The following CYP4F3 variants were observed in gnomAD, a reference collection of about 807,000 sequenced individuals.
CYP4F3 encodes the protein cytochrome P450 4F3.
In CYP4F3, 50 loss-of-function variants were observed where a neutral mutation model predicts 54.8. That is an observed-to-expected ratio of 0.91 (90% confidence interval 0.73 to 1.16). The LOEUF is 1.16. Ranked by LOEUF, CYP4F3 falls within the 50% of genes most tolerant of loss-of-function variation. The pLI is 0.00. For synonymous variants in CYP4F3, 244 were observed against 262.6 expected (o/e 0.93, Z 0.69); for missense variants, 715 against 676.2 (o/e 1.06, Z -0.64).
chr19:15,658,455 G>T, intron 10 of CYP4F3, 36 bp from the exon 11 acceptor site: 1 of 1,613,896 alleles, frequency 6.2e-7, no homozygotes, highest in Non-Finnish European at 8.5e-7. Flanking sequence ...CCTCAGGCAG[G>T]GAGCATTGTC....
At chr19:15,656,937 A>T (rs1051280956) in intron 9 of CYP4F3, among the ~76,000 whole-genome samples, 1 of 151,948 alleles carries the variant, frequency 6.6e-6, no homozygotes, top group African/African-American at 2.4e-5. Context: ...TGTATATTTT[A>T]TTCCATATTT....
chr19:15,644,839 T>C (rs1048862596), intron 2 of CYP4F3, among the ~76,000 whole-genome samples: 2 of 152,230 alleles, frequency 1.3e-5, no homozygotes, highest in Admixed American at 6.5e-5. Context: ...ACAGAGACCA[T>C]GGCTCTGGCC....
chr19:15,646,467 G>A lies in CYP4F3; in HGVS notation c.344-585G>A, dbSNP rs190480066. Among the ~76,000 whole-genome samples, 95 of 152,304 alleles carry A rather than the reference G, an allele frequency of 6.2e-4. 3 individuals are homozygous for A. The highest frequency in any genetic ancestry group is 4.4e-5 in the Non-Finnish European group (3 of 68,028). ...ACAGTCTGGGTCACGTGTTGGCTAT[G>A]TCTGGGTCGTTAAAGGTACCATATT... is the stretch of plus-strand genomic sequence containing the variant. On this transcript the variant is annotated intron_variant, in intron 3 of 12. Transcript: ENST00000221307.
chr19:15,641,781 C>G (rs1261779886), intron 2 of CYP4F3, among the ~76,000 whole-genome samples, 168 bp downstream of exon 2: 1 of 152,122 alleles, frequency 6.6e-6, no homozygotes. Context: ...GGTGCCAACC[C>G]AAGCCCTTCT....
chr19:15,651,683 G>A, intron 7 of CYP4F3, among the ~76,000 whole-genome samples: 1 of 115,804 alleles, frequency 8.6e-6, no homozygotes, highest in African/African-American at 3.9e-5. Flanking sequence ...GCCTGTGTCT[G>A]TTTTTGTCTG....
At chr19:15,649,093 G>C (rs1972709308) in intron 5 of CYP4F3, 67 bp from the exon 6 acceptor site, 1 of 1,599,164 alleles carries the variant, frequency 6.3e-7, no homozygotes, top group South Asian at 1.1e-5. Flanking sequence ...CATATTGATT[G>C]TTGGGGTTGG....
chr19:15,647,038 C>A lies in CYP4F3; in HGVS notation c.344-14C>A, dbSNP rs755452673. 6.2e-7 allele frequency: 1 copy of A among 1,614,034 alleles called. No homozygotes were observed. The highest frequency in any genetic ancestry group is 2.2e-5 in the East Asian group (1 of 44,882). Reference sequence around the variant, plus strand: ...CCTGCCTCCATGGCCCCTGATTGTCCTCATTTATGTCAGCTGCCATTGTAC... The same window carrying A: ...CCTGCCTCCATGGCCCCTGATTGTCATCATTTATGTCAGCTGCCATTGTAC... On this transcript the variant is annotated splice_polypyrimidine_tract_variant and intron_variant, in intron 3 of 12. Transcript: ENST00000221307.
chr19:15,658,589 C>T, intron 11 of CYP4F3, 34 bp downstream of exon 11: 1 of 1,613,514 alleles, frequency 6.2e-7, no homozygotes, highest in Non-Finnish European at 8.5e-7. Context: ...TTGTCCATTC[C>T]AAGGCTCCTA....
intron 9 of CYP4F3, among the ~76,000 whole-genome samples, chr19:15,656,746 A>G (rs1369544316): frequency 9.3e-5 from 9 of 97,218 alleles, no homozygotes; most frequent in African/African-American, 3.8e-4. Context: ...CTATCTATCT[A>G]TCTATCTATC....
rs1972609494 is a variant in CYP4F3 at position 15,645,839 on chromosome 19, A to G, written c.319A>G (p.Ile107Val). The change falls in exon 3 of 13, where the codon ATC becomes GTC. Residue 107 changes from isoleucine to valine, a missense_variant. Transcript: ENST00000221307. ...AIVRIFHPTY[I>V]KPVLFAPAAI... ...CGTCCGCATCTTCCACCCCACCTAC[A>G]TCAAGCCTGTGCTCTTTGCTCCAGG... 5 of 1,612,394 alleles carry G rather than the reference A, an allele frequency of 3.1e-6. No individual in the cohort carries two copies. The highest frequency in any genetic ancestry group is 1.1e-5 in the South Asian group (1 of 90,782).
Position 15,653,007 on chromosome 19 carries a change from C to T in CYP4F3, c.1115+55C>T. On this transcript the variant is annotated intron_variant, in intron 9 of 12. Transcript: ENST00000221307. ...GAGCCTGTCTCATTGGCTCTGTTCC[C>T]CAGGTAGGGAGGGGAGAAGGGGTTG... 5 of 1,546,690 alleles carry T rather than the reference C, an allele frequency of 3.2e-6. No homozygotes were observed. In the South Asian group the frequency reaches 4.9e-5, roughly 15 times the overall value.
chr19:15,656,412 C>A (rs938000151), intron 9 of CYP4F3, among the ~76,000 whole-genome samples: 1 of 152,046 alleles, frequency 6.6e-6, no homozygotes, highest in Non-Finnish European at 1.5e-5. Flanking sequence ...GACAATCCTG[C>A]CACCTGACCT....
chr19:15,641,270 C>G (rs1456738681), intron 1 of CYP4F3, 145 bp from the exon 2 acceptor site: 2 of 1,071,160 alleles, frequency 1.9e-6, no homozygotes, highest in African/African-American at 3.2e-5. Flanking sequence ...GACTTTACCC[C>G]TCAGCCCCTG....
intron 9 of CYP4F3, among the ~76,000 whole-genome samples, chr19:15,656,767 T>TCTATCTATCTATCATC (rs780753650): frequency 1.6e-5 from 1 of 62,336 alleles, no homozygotes; most frequent in Admixed American, 1.9e-4. Flanking sequence ...TATCTATCTA[T>TCTATCTATCTATCATC]CATCCATCCA....
chr19:15,650,866 C>CTTTCTTTCTTTCTTTCTTTCTTTG (rs1230234590), intron 7 of CYP4F3, among the ~76,000 whole-genome samples: 1 of 47,076 alleles, frequency 2.1e-5, no homozygotes, highest in Non-Finnish European at 4.1e-5. Context: ...TTCTTTCTTT[C>CTTTCTTTCTTTCTTTCTTTCTTTG]TTTTTCTCTC....
In CYP4F3 at chr19:15,650,360, G is replaced by C. The variant is rs1972759067; in HGVS notation, c.918+177G>C. The stretch of plus-strand genomic sequence containing the variant: ...TAGCTCTGTGGACTAGCACCTACCA[G>C]GGGACTGCTAAATGAAATTGTGATG... On this transcript the variant is annotated intron_variant, in intron 7 of 12. Transcript: ENST00000221307. 3.3e-6 allele frequency: 4 copies of C among 1,230,032 alleles called. No individual in the cohort carries two copies. The South Asian group carries it at 4.0e-5, about 12-fold the overall frequency. The allele number at this position is 1,230,032 out of a possible 1,614,324, so 76.2% of individuals were successfully genotyped here. A position where few individuals can be genotyped will look rare whatever the true frequency, so the allele number is the denominator to read the frequency against.
chr19:15,646,488 A>G (rs770817424), intron 3 of CYP4F3, among the ~76,000 whole-genome samples: 1 of 152,188 alleles, frequency 6.6e-6, no homozygotes, highest in Non-Finnish European at 1.5e-5. Context: ...TAAAGGTACC[A>G]TATTTATATT....
intron 7 of CYP4F3, among the ~76,000 whole-genome samples, chr19:15,650,992 C>T (rs1972838240): frequency 6.6e-6 from 1 of 150,904 alleles, no homozygotes; most frequent in Non-Finnish European, 1.5e-5. Flanking sequence ...TCTCCTACCT[C>T]AGCCTCCCGA....
chr19:15,660,618 A>T lies in CYP4F3; in HGVS notation c.*1233A>T, dbSNP rs1973160756. 1 of 152,194 alleles carries T rather than the reference A, an allele frequency of 6.6e-6. No homozygotes were observed. Among genetic ancestry groups the T allele is most frequent in the Non-Finnish European group, 1.5e-5 (1 of 68,044 alleles). The allele number at this position is 152,194 out of a possible 1,614,324, so 9.4% of individuals were successfully genotyped here. On this transcript the variant is annotated 3_prime_UTR_variant, in exon 13 of 13. Coordinates refer to ENST00000221307, the MANE Select transcript of CYP4F3 (RefSeq NM_000896.3). ...GGCATCAGAGGCCATGACTTTTCCTACCACAGAAGTAATTTTCAAAGTAAG... is the reference window on the plus strand; with the variant it reads ...GGCATCAGAGGCCATGACTTTTCCTTCCACAGAAGTAATTTTCAAAGTAAG...
Sources: allele counts gnomAD v4.1 joint callset (sites outside exome capture counted in the v4.1 genomes callset), GRCh38; gene constraint gnomAD v4.1.1; transcripts MANE v1.5; gene names NCBI Gene and HGNC (gene_info 2026-07-23, HGNC 2026-07-21).